The following GUCY1A2 variants were observed in gnomAD, a reference collection of about 807,000 sequenced individuals.
GUCY1A2 encodes the protein guanylate cyclase 1 soluble subunit alpha 2, also known as guanylate cyclase soluble subunit alpha-2.
In GUCY1A2, 27 loss-of-function variants were observed where a neutral mutation model predicts 63.5. The observed-to-expected ratio is 0.43, with a 90% confidence interval of 0.31 to 0.59. The LOEUF (loss-of-function observed/expected upper bound fraction) is 0.59. GUCY1A2 is among the 20% of genes least tolerant of loss of function. The pLI is 0.11. For synonymous variants in GUCY1A2, 364 were observed against 343.5 expected (o/e 1.06, Z -0.66); for missense variants, 768 against 913.3 (o/e 0.84, Z 2.05).
intron 1 of GUCY1A2, among the ~76,000 whole-genome samples, chr11:107,008,676 G>C (rs1392064635): frequency 2.0e-5 from 3 of 152,144 alleles, no homozygotes; most frequent in Non-Finnish European, 4.4e-5. Context: ...CAAAGAGGCA[G>C]AATAAACCAA....
At chr11:106,797,052 T>C (rs1864776444) in intron 5 of GUCY1A2, among the ~76,000 whole-genome samples, 2 of 152,168 alleles carry the variant, frequency 1.3e-5, no homozygotes, top group African/African-American at 4.8e-5. Context: ...TACCCTTTCT[T>C]CCAGTTGATC....
intron 3 of GUCY1A2, among the ~76,000 whole-genome samples, chr11:106,954,740 T>C (rs1410723073): frequency 6.6e-6 from 1 of 152,172 alleles, no homozygotes; most frequent in Non-Finnish European, 1.5e-5. Context: ...GTTGAATTCT[T>C]CCCCTTACCA....
At chr11:106,742,163 A>G (rs1191066540) in intron 6 of GUCY1A2, among the ~76,000 whole-genome samples, 1 of 152,236 alleles carries the variant, frequency 6.6e-6, no homozygotes, top group Admixed American at 6.5e-5. Context: ...AAAGTAGCAC[A>G]TGAATTTCAA....
intron 4 of GUCY1A2, among the ~76,000 whole-genome samples, chr11:106,814,855 A>T (rs1358667511): frequency 6.6e-6 from 1 of 152,066 alleles, no homozygotes; most frequent in East Asian, 1.9e-4. Context: ...CAAACACAAT[A>T]CCCAAATTAT....
At chr11:106,711,112 A>T (rs1174674846) in intron 6 of GUCY1A2, among the ~76,000 whole-genome samples, 1 of 152,176 alleles carries the variant, frequency 6.6e-6, no homozygotes, top group Non-Finnish European at 1.5e-5. Flanking sequence ...ATGACAAGTT[A>T]CAGTATTTGC....
At chr11:106,689,142 C>G (rs533254787) in intron 7 of GUCY1A2, among the ~76,000 whole-genome samples, 48 of 152,234 alleles carry the variant, frequency 3.2e-4, no homozygotes, top group African/African-American at 9.4e-4. Flanking sequence ...GAACATTGCA[C>G]AATCAATTAT....
intron 4 of GUCY1A2, among the ~76,000 whole-genome samples, chr11:106,886,719 T>A (rs1859905483): frequency 6.6e-6 from 1 of 152,248 alleles, no homozygotes; most frequent in Admixed American, 6.5e-5. Context: ...GGACAGACAC[T>A]TTCAACGTGG....
At chr11:106,818,763 C>G (rs1173105003) in intron 4 of GUCY1A2, among the ~76,000 whole-genome samples, 1 of 152,096 alleles carries the variant, frequency 6.6e-6, no homozygotes, top group Non-Finnish European at 1.5e-5. Flanking sequence ...GGTGAACACA[C>G]AAATGATAAG....
At chr11:106,791,415 C>A (rs557272669) in intron 5 of GUCY1A2, among the ~76,000 whole-genome samples, 1 of 152,138 alleles carries the variant, frequency 6.6e-6, no homozygotes, top group East Asian at 1.9e-4. Flanking sequence ...CCTCTTTCAG[C>A]GATATGAAGT....
intron 3 of GUCY1A2, among the ~76,000 whole-genome samples, chr11:106,958,760 AT>A (rs1298724910): frequency 6.6e-6 from 1 of 152,224 alleles, no homozygotes; most frequent in Non-Finnish European, 1.5e-5. Context: ...AGAAACTTTT[AT>A]GCCAGGATTA....
chr11:106,812,552 C>A (rs1858776591), intron 4 of GUCY1A2, among the ~76,000 whole-genome samples: 1 of 151,758 alleles, frequency 6.6e-6, no homozygotes, highest in Non-Finnish European at 1.5e-5. Flanking sequence ...CACAACTAGA[C>A]CTTATTCTCT....
At chr11:106,876,798 C>T (rs1185062818) in intron 4 of GUCY1A2, among the ~76,000 whole-genome samples, 1 of 152,088 alleles carries the variant, frequency 6.6e-6, no homozygotes, top group East Asian at 1.9e-4. Context: ...CTTATTTCAA[C>T]TTCCGTAACT....
intron 4 of GUCY1A2, among the ~76,000 whole-genome samples, chr11:106,831,435 A>G (rs1859049994): frequency 6.6e-6 from 1 of 152,206 alleles, no homozygotes. Context: ...CGGGTAAAGG[A>G]AAGTTCAAAG....
At chr11:106,868,000 G>GTGACAGATATGGCATA (rs758218993) in intron 4 of GUCY1A2, among the ~76,000 whole-genome samples, 80 of 152,102 alleles carry the variant, frequency 5.3e-4, no homozygotes, top group South Asian at 1.0e-3. Context: ...AAACCCTCTG[G>GTGACAGATATGGCATA]TCTGGTGACA....
intron 6 of GUCY1A2, among the ~76,000 whole-genome samples, chr11:106,751,262 A>G (rs1863877543): frequency 6.6e-6 from 1 of 152,124 alleles, no homozygotes. Context: ...TATATTCAAG[A>G]TATTAAAATG....
At chr11:106,789,169 A>T (rs1248858669) in intron 5 of GUCY1A2, among the ~76,000 whole-genome samples, 1 of 152,096 alleles carries the variant, frequency 6.6e-6, no homozygotes, top group African/African-American at 2.4e-5. Flanking sequence ...GGTCAAGTTC[A>T]TTGCTAGGTA....
At chr11:106,874,592 C>T (rs2220373) in intron 4 of GUCY1A2, among the ~76,000 whole-genome samples, 1,956 of 152,076 alleles carry the variant, frequency 0.013, 27 homozygotes, top group South Asian at 0.048. Flanking sequence ...GCCACTTATA[C>T]GTAGAATTTA....
intron 4 of GUCY1A2, among the ~76,000 whole-genome samples, chr11:106,837,999 C>T (rs1444882851): frequency 6.6e-6 from 1 of 151,954 alleles, no homozygotes; most frequent in Non-Finnish European, 1.5e-5. Flanking sequence ...AGCACACACT[C>T]TATGCTAATA....
intron 5 of GUCY1A2, among the ~76,000 whole-genome samples, chr11:106,804,366 G>A (rs1858650901): frequency 6.6e-6 from 1 of 152,124 alleles, no homozygotes; most frequent in Admixed American, 6.6e-5. Flanking sequence ...TGTAAATCTT[G>A]GGGAAAAATG....
Sources: allele counts gnomAD v4.1 joint callset (sites outside exome capture counted in the v4.1 genomes callset), GRCh38; gene constraint gnomAD v4.1.1; transcripts MANE v1.5; gene names NCBI Gene and HGNC (gene_info 2026-07-23, HGNC 2026-07-21).